The following TRMT1L variants were observed in gnomAD, a reference collection of about 807,000 sequenced individuals.
TRMT1L encodes tRNA (guanine(27)-N(2))-dimethyltransferase.
TRMT1L carries 28 observed loss-of-function variants against 81.6 expected under a neutral mutation model. That is an observed-to-expected ratio of 0.34 (90% CI 0.25 to 0.47). The LOEUF is 0.47. TRMT1L is among the 20% of genes least tolerant of loss of function. The probability of loss-of-function intolerance (pLI) is 1.00; values close to 1 mark genes in which losing one functional copy is unlikely to be tolerated. For synonymous variants in TRMT1L, 301 were observed against 303.2 expected (o/e 0.99, Z 0.07); for missense variants, 739 against 877.1 (o/e 0.84, Z 1.99).
intron 10 of TRMT1L, among the ~76,000 whole-genome samples, chr1:185,132,533 T>A (rs1571346388): frequency 6.7e-6 from 1 of 149,532 alleles, no homozygotes; most frequent in African/African-American, 2.5e-5. Flanking sequence ...AAAAAATAAA[T>A]AAAAATAAAA....
chr1:185,128,432 G>A (rs1652689199), intron 11 of TRMT1L, among the ~76,000 whole-genome samples: 1 of 152,050 alleles, frequency 6.6e-6, no homozygotes, highest in South Asian at 2.1e-4. Flanking sequence ...GATCATCCAG[G>A]CTTCTCTTTT....
Position 185,119,672 on chromosome 1 carries a change from A to G in TRMT1L, c.*347T>C, listed in dbSNP as rs549623433. On this transcript the variant is annotated 3_prime_UTR_variant, in exon 15 of 15. Coordinates refer to ENST00000367506, the MANE Select transcript of TRMT1L (RefSeq NM_030934.5). ...ACATCATGAATCAGTTTAGGCAGAG[A>G]TGTGATTAAGAATTGTAAAAGATGG... 64 of 186,996 alleles carry G rather than the reference A, an allele frequency of 3.4e-4. No homozygotes were observed. The highest frequency in any genetic ancestry group is 7.2e-4 in the Admixed American group (13 of 18,022). The allele number at this position is 186,996 out of a possible 1,614,324, so 11.6% of individuals were successfully genotyped here. A position where few individuals can be genotyped will look rare whatever the true frequency, so the allele number is the denominator to read the frequency against.
At chr1:185,152,570 G>A (rs1051219140) in intron 1 of TRMT1L, among the ~76,000 whole-genome samples, 1 of 152,122 alleles carries the variant, frequency 6.6e-6, no homozygotes, top group African/African-American at 2.4e-5. Context: ...TGAATTATAC[G>A]ATCTGAATGA....
chr1:185,126,003 CATTTA>C (rs1198732401), intron 11 of TRMT1L, among the ~76,000 whole-genome samples: 2 of 152,108 alleles, frequency 1.3e-5, no homozygotes, highest in Admixed American at 6.6e-5. Flanking sequence ...ATATGCTTCC[CATTTA>C]ATTTAAGAAT....
intron 11 of TRMT1L, among the ~76,000 whole-genome samples, chr1:185,127,874 G>A (rs544214156): frequency 6.6e-6 from 1 of 152,104 alleles, no homozygotes; most frequent in Non-Finnish European, 1.5e-5. Context: ...AGTACTTTGG[G>A]AGGCTGAGCC....
rs370110033 is a variant in TRMT1L, at chr1:185,139,995, G to T, written c.1087C>A (p.His363Asn). The change falls in exon 8 of 15, where the codon CAT becomes AAT. Residue 363 changes from histidine to asparagine, a missense_variant. His to Asn is a moderately conservative substitution (Grantham distance 68, BLOSUM62 1). Transcript: ENST00000367506. The stretch of plus-strand genomic sequence containing the variant: ...TACATGAAATCAAAAGATCTCAAAT[G>T]CATCAGTACATTGGCATCCATTTTG... Reference protein sequence around the residue: ...VTKMDANVLMHLRSFDFIHLD... With the variant: ...VTKMDANVLMNLRSFDFIHLD... 6.2e-7 allele frequency: 1 copy of T among 1,609,844 alleles called. No individual in the cohort carries two copies. The highest frequency in any genetic ancestry group is 1.3e-5 in the African/African-American group (1 of 74,788).
At chr1:185,120,766 T>C in intron 13 of TRMT1L, 1 of 264,322 alleles carries the variant, frequency 3.8e-6, no homozygotes, top group Non-Finnish European at 7.0e-6. Flanking sequence ...GGAAGCCATC[T>C]GTCAATCTGG....
chr1:185,121,125 G>T (rs919556476), intron 13 of TRMT1L, among the ~76,000 whole-genome samples: 1 of 152,078 alleles, frequency 6.6e-6, no homozygotes, highest in Non-Finnish European at 1.5e-5. Context: ...AGTGAAAGGA[G>T]GCCAGCTAAG....
chr1:185,136,748 G>C (rs1652909320), intron 10 of TRMT1L, among the ~76,000 whole-genome samples: 2 of 152,166 alleles, frequency 1.3e-5, no homozygotes, highest in South Asian at 4.1e-4. Flanking sequence ...CAGTATGATA[G>C]ACGTGTATGA....
At chr1:185,138,079 CTT>C (rs778854323) in intron 9 of TRMT1L, among the ~76,000 whole-genome samples, 14 of 152,264 alleles carry the variant, frequency 9.2e-5, no homozygotes, top group Non-Finnish European at 2.1e-4. Flanking sequence ...GTCATTTTCA[CTT>C]TGTTTCTTAT....
chr1:185,121,916 G>C lies in TRMT1L; in HGVS notation c.1823-1407C>G, dbSNP rs77048620. On this transcript the variant is annotated intron_variant, in intron 13 of 14. Coordinates refer to ENST00000367506, the MANE Select transcript of TRMT1L (RefSeq NM_030934.5). ...CAGTGGGCATAGTACCCAACAGGTGGTTCTTCAGCCCAGGCCACATCCCAT... is the reference window on the plus strand; with the variant it reads ...CAGTGGGCATAGTACCCAACAGGTGCTTCTTCAGCCCAGGCCACATCCCAT... Among the ~76,000 whole-genome samples the C allele has an allele frequency of 3.9e-3, 592 of 151,946 alleles. 4 individuals are homozygous for C. Among genetic ancestry groups the C allele is most frequent in the African/African-American group, 0.013 (552 of 41,456 alleles).
intron 13 of TRMT1L, chr1:185,120,999 CA>C (rs1319527731): frequency 5.3e-5 from 8 of 152,258 alleles, no homozygotes; most frequent in African/African-American, 1.7e-4. Context: ...TTAGTAATCA[CA>C]AAACAAAGAA....
At chr1:185,128,928 A>G (rs1652701131) in intron 10 of TRMT1L, among the ~76,000 whole-genome samples, 181 bp from the exon 11 acceptor site, 1 of 152,138 alleles carries the variant, frequency 6.6e-6, no homozygotes, top group Non-Finnish European at 1.5e-5. Context: ...GTATATATGT[A>G]TACACACATA....
In TRMT1L at chr1:185,156,754, G is replaced by T. The variant is rs765155366; in HGVS notation, c.-42C>A. 6 of 1,609,350 alleles carry T rather than the reference G, an allele frequency of 3.7e-6. No individual in the cohort carries two copies. In the South Asian group the frequency reaches 5.5e-5, roughly 15 times the overall value. ...CCAAGCCCGCCCGGGGACCCGGAGC[G>T]GGGCTCACGGCGGGGTCAGAGAACT... is the stretch of plus-strand genomic sequence containing the variant. On this transcript the variant is annotated 5_prime_UTR_variant, in exon 1 of 15. Coordinates refer to ENST00000367506, the MANE Select transcript of TRMT1L (RefSeq NM_030934.5).
Position 185,140,120 on chromosome 1 carries a change from T to A in TRMT1L, c.962A>T (p.His321Leu). The change falls in exon 8 of 15, where the codon CAT becomes CTT. Residue 321 changes from histidine to leucine, a missense_variant. This residue lies in a region of TRMT1L where 331 missense variants were observed against 462.2 expected (regional missense o/e 0.72). Coordinates refer to ENST00000367506, the MANE Select transcript of TRMT1L (RefSeq NM_030934.5). ...CACCACCACTTTCAATTTGTTTAAATGGCAGTTTTCCTGAATCAGTGTCAC... is the reference window on the plus strand; with the variant it reads ...CACCACCACTTTCAATTTGTTTAAAAGGCAGTTTTCCTGAATCAGTGTCAC... Reference protein sequence around the residue: ...NSVTLIQENCHLNKLKVVVDS... With the variant: ...NSVTLIQENCLLNKLKVVVDS... 6.2e-7 allele frequency: 1 copy of A among 1,613,902 alleles called. No homozygotes were observed.
chr1:185,139,684 T>C (rs1170530807), intron 8 of TRMT1L, 105 bp from the exon 9 acceptor site: 4 of 832,084 alleles, frequency 4.8e-6, no homozygotes, highest in Non-Finnish European at 7.2e-6. Flanking sequence ...AAAAATACAT[T>C]GCAAATATAT....
intron 2 of TRMT1L, 69 bp downstream of exon 2, chr1:185,151,756 T>C: frequency 9.5e-7 from 1 of 1,053,578 alleles, no homozygotes; most frequent in East Asian, 2.6e-5. Context: ...ACCAAACTTA[T>C]TTTTGTGAAT....
chr1:185,151,983 G>C, intron 1 of TRMT1L, 48 bp from the exon 2 acceptor site: 1 of 1,221,344 alleles, frequency 8.2e-7, no homozygotes, highest in Non-Finnish European at 1.2e-6. Flanking sequence ...TTGTATTCTA[G>C]TTCCATTTTT....
rs200297827 is a variant in TRMT1L at position 185,156,744 on chromosome 1, G to A, written c.-32C>T. ...CGCCTCCGTGCCAAGCCCGCCCGGG[G>A]ACCCGGAGCGGGGCTCACGGCGGGG... On this transcript the variant is annotated 5_prime_UTR_variant, in exon 1 of 15. Transcript: ENST00000367506. The A allele has an allele frequency of 2.7e-4, 427 of 1,611,264 alleles. No individual in the cohort carries two copies. The highest frequency in any genetic ancestry group is 3.3e-4 in the Non-Finnish European group (393 of 1,179,226).
Sources: allele counts gnomAD v4.1 joint callset (sites outside exome capture counted in the v4.1 genomes callset), GRCh38; gene constraint gnomAD v4.1.1; regional missense constraint gnomAD v4.1.1; transcripts MANE v1.5; gene names NCBI Gene and HGNC (gene_info 2026-07-23, HGNC 2026-07-21).